The following CAPN12 variants were observed in gnomAD, a reference collection of about 807,000 sequenced individuals.
The protein encoded by CAPN12 is calpain-12.
In CAPN12, 107 loss-of-function variants were observed where a neutral mutation model predicts 95.0. The observed-to-expected ratio is 1.13, with a 90% CI of 0.96 to 1.32. The LOEUF (loss-of-function observed/expected upper bound fraction) is 1.32, where lower values mean the gene tolerates loss of function less well. Ranked by LOEUF, CAPN12 falls within the 40% of genes most tolerant of loss-of-function variation. CAPN12 has a pLI of 0.00. For synonymous variants in CAPN12, 505 were observed against 415.5 expected (o/e 1.22, Z -2.62); for missense variants, 1,136 against 997.8 (o/e 1.14, Z -1.87).
intron 3 of CAPN12, chr19:38,742,196 G>C (rs1396840167): frequency 1.6e-6 from 1 of 611,864 alleles, no homozygotes; most frequent in Non-Finnish European, 2.8e-6. Flanking sequence ...CATGATGGCG[G>C]GTGCCTGTAA....
chr19:38,743,320 A>G lies in CAPN12; in HGVS notation c.238-218T>C, dbSNP rs35134120. ...GCCCAGCCCCTCCTCCCTCAGACCC[A>G]GGAGTCCATGTCCCGAGCCCCTCCT... On this transcript the variant is annotated intron_variant, in intron 1 of 20. Coordinates refer to ENST00000328867, the MANE Select transcript of CAPN12 (RefSeq NM_144691.4). Among the ~76,000 whole-genome samples, 4,875 of 120,194 alleles carry G rather than the reference A, an allele frequency of 0.041. 124 individuals carry two copies. The highest frequency in any genetic ancestry group is 0.064 in the South Asian group (230 of 3,570). 78.9% of individuals were successfully genotyped at this position (120,194 alleles called of 152,430 possible). A position where few individuals can be genotyped will look rare whatever the true frequency, so the allele number is the denominator to read the frequency against.
In CAPN12 at chr19:38,738,423, G is replaced by A. The variant is rs766087335; in HGVS notation, c.885C>T (p.Ser295=). The change falls in exon 7 of 21, where the codon AGC becomes AGT. Residue 295 remains serine, a synonymous_variant. Coordinates refer to ENST00000328867, the MANE Select transcript of CAPN12 (RefSeq NM_144691.4). ...WGCVEWTGAW[S]DSCPRWDTLP... is the part of the protein sequence containing the mutation. ...CCACCCCAGACCCATCCCACCTGTC[G>A]CTCCAGGCCCCCGTCCACTCCACGC... 4.8e-5 allele frequency: 77 copies of A among 1,609,098 alleles called. No homozygotes were observed. Among genetic ancestry groups the A allele is most frequent in the Middle Eastern group, 3.7e-4 (2 of 5,396 alleles).
intron 8 of CAPN12, among the ~76,000 whole-genome samples, chr19:38,737,938 CCCT>C (rs1369801754): frequency 1.3e-5 from 2 of 152,106 alleles, no homozygotes; most frequent in Admixed American, 1.3e-4. Context: ...ACCCTTCAGC[CCCT>C]CAACATTGCC....
intron 4 of CAPN12, among the ~76,000 whole-genome samples, chr19:38,741,554 C>G (rs545991762): frequency 1.3e-5 from 2 of 148,156 alleles, no homozygotes; most frequent in South Asian, 4.2e-4. Flanking sequence ...GCCTGGGCGA[C>G]AGAGTGAGTG....
intron 10 of CAPN12, 78 bp from the exon 11 acceptor site, chr19:38,736,641 C>T: frequency 1.4e-6 from 2 of 1,474,470 alleles, no homozygotes; most frequent in Middle Eastern, 1.8e-4. Context: ...TGCCCCTTCT[C>T]ACCTCTGTGC....
Position 38,734,852 on chromosome 19 carries a change from A to G in CAPN12, c.1705T>C (p.Ser569Pro). ...ATGCTTAGTAAGGCCTGGAGCTGAG[A>G]GGCATTGAGTTCTTCCTCCTAGTCC... ...LAGEEEELNA[S>P]QLQALLSIAL... Residue 569 changes from serine to proline, a missense_variant, in exon 15 of 21, where the codon TCT (serine) becomes CCT (proline). Ser to Pro is a moderately conservative substitution (Grantham distance 74). Coordinates refer to ENST00000328867, the MANE Select transcript of CAPN12 (RefSeq NM_144691.4). The G allele has an allele frequency of 6.2e-7, 1 of 1,612,690 alleles. No individual in the cohort carries two copies. Among genetic ancestry groups the G allele is most frequent in the South Asian group, 1.1e-5 (1 of 91,070 alleles).
chr19:38,736,659 C>CTCCT, intron 10 of CAPN12, 96 bp from the exon 11 acceptor site: 5 of 1,400,538 alleles, frequency 3.6e-6, no homozygotes, highest in Non-Finnish European at 4.8e-6. Flanking sequence ...TGCTCTCTCC[C>CTCCT]TCCTTCTTCG....
At position 38,744,025 on chromosome 19, in the gene CAPN12, G is replaced by A. The variant is rs147674114; in HGVS notation, c.141C>T (p.Arg47=). The part of the protein sequence containing the change: ...AACLDSGILF[R]DPYFPAGPDA... Reference sequence around the variant, plus strand: ...CAGGGCCAGCAGGGAAGTAAGGGTCGCGGAACAGGATCCCCGAATCCAGGC... The same window carrying A: ...CAGGGCCAGCAGGGAAGTAAGGGTCACGGAACAGGATCCCCGAATCCAGGC... Residue 47 remains arginine, a synonymous_variant, in exon 1 of 21, where the codon CGC becomes CGT. Transcript: ENST00000328867. 147 of 1,614,214 alleles carry A rather than the reference G, an allele frequency of 9.1e-5. No individual in the cohort carries two copies. In the East Asian group the frequency reaches 1.2e-3, roughly 13 times the overall value.
chr19:38,736,949 T>G, intron 10 of CAPN12: 1 of 124,246 alleles, frequency 8.0e-6, no homozygotes. Flanking sequence ...CGCCCCCTCT[T>G]GGCCCTGCTC....
chr19:38,733,851 C>CA lies in CAPN12; in HGVS notation c.1879-71dup. 3 of 1,327,688 alleles carry CA rather than the reference C, an allele frequency of 2.3e-6. 1 individual carries two copies. Among genetic ancestry groups the CA allele is most frequent in the Non-Finnish European group, 3.2e-6 (3 of 927,906 alleles). 82.2% of individuals were successfully genotyped at this position (1,327,688 alleles called of 1,614,324 possible). A position where few individuals can be genotyped will look rare whatever the true frequency, so the allele number is the denominator to read the frequency against. On this transcript the variant is annotated intron_variant, in intron 17 of 20. Coordinates refer to ENST00000328867, the MANE Select transcript of CAPN12 (RefSeq NM_144691.4). The stretch of plus-strand genomic sequence containing the variant: ...AGGGCTGCCAATGGGGCCTCCCAGG[C>CA]AAGACAGCCTGGTGCCCATCCCAAC...
intron 1 of CAPN12, among the ~76,000 whole-genome samples, chr19:38,743,335 G>C (rs1424375242): frequency 1.7e-4 from 15 of 88,944 alleles, no homozygotes; most frequent in East Asian, 3.9e-4. Context: ...TCCATGTCCC[G>C]AGCCCCTCCT....
At position 38,738,638 on chromosome 19, in the gene CAPN12, C is replaced by A; in HGVS notation, c.740G>T (p.Gly247Val). The A allele has an allele frequency of 6.2e-7, 1 of 1,614,020 alleles. No individual in the cohort carries two copies. Among genetic ancestry groups the A allele is most frequent in the East Asian group, 2.2e-5 (1 of 44,874 alleles). ...CAGGCCCTCTTCTGTGCGGTACTCA[C>A]CCCGATCACTCTGGGCAGGGGATGG... ...LVGATALSDR[G>V]EYRTEEGLVK... Residue 247 changes from glycine (G) to valine (V), a missense_variant, in exon 6 of 21, where the codon GGT becomes GTT. Transcript: ENST00000328867.
In CAPN12 at chr19:38,734,358, G is replaced by A. The variant is rs778396415; in HGVS notation, c.1776C>T (p.Ile592=). The change falls in exon 16 of 21, where the codon ATC becomes ATT. Residue 592 remains isoleucine (I), a synonymous_variant. Transcript: ENST00000328867. The part of the protein sequence containing the change: ...ARAHTSTPRE[I]GLRTCEQLLQ... ...GCAGCTGCTCACAGGTCCTGAGCCC[G>A]ATCTCTCTGGGGGTGGAGGTATGGG... 134 of 1,607,328 alleles carry A rather than the reference G, an allele frequency of 8.3e-5. No homozygotes were observed. The highest frequency in any genetic ancestry group is 6.6e-4 in the Middle Eastern group (4 of 6,068).
rs373743240 is a variant in CAPN12, at chr19:38,736,133, G to T, written c.1560C>A (p.Phe520Leu). 2.0e-6 allele frequency: 3 copies of T among 1,510,390 alleles called. No individual in the cohort carries two copies. The highest frequency in any genetic ancestry group is 2.6e-6 in the Non-Finnish European group (3 of 1,132,610). The allele number at this position is 1,510,390 out of a possible 1,614,324, so 93.6% of individuals were successfully genotyped here. A position where few individuals can be genotyped will look rare whatever the true frequency, so the allele number is the denominator to read the frequency against. ...ACACGGCCGTGTGGCGGCGCTCGGAGAAGACACGCAGAGTGAAGTCAGCCT... is the reference window on the plus strand; with the variant it reads ...ACACGGCCGTGTGGCGGCGCTCGGATAAGACACGCAGAGTGAAGTCAGCCT... ...GDEADFTLRV[F>L]SERRHTAVEI... is the part of the protein sequence containing the mutation. Residue 520 changes from phenylalanine (F) to leucine (L), a missense_variant, in exon 12 of 21, where the codon TTC (phenylalanine) becomes TTA (leucine). Phe to Leu is a conservative substitution (Grantham distance 22). Coordinates refer to ENST00000328867, the MANE Select transcript of CAPN12 (RefSeq NM_144691.4).
At chr19:38,736,342 C>T (rs1172479815) in intron 11 of CAPN12, 24 bp from the exon 12 acceptor site, 17 of 1,454,404 alleles carry the variant, frequency 1.2e-5, no homozygotes, top group East Asian at 2.7e-5. Flanking sequence ...GGCATGACCA[C>T]GGACCAGGCT....
Position 38,730,712 on chromosome 19 carries a change from G to C in CAPN12, c.*140C>G, listed in dbSNP as rs747837065. ...AGTACGCAGGCCAGAGTGGTCACCCGGCCGTGAGCAGTGAGGGCCAGAGAC... is the reference window on the plus strand; with the variant it reads ...AGTACGCAGGCCAGAGTGGTCACCCCGCCGTGAGCAGTGAGGGCCAGAGAC... On this transcript the variant is annotated 3_prime_UTR_variant, in exon 21 of 21. Coordinates refer to ENST00000328867, the MANE Select transcript of CAPN12 (RefSeq NM_144691.4). 1 of 1,055,540 alleles carries C rather than the reference G, an allele frequency of 9.5e-7. No individual in the cohort carries two copies. The allele number at this position is 1,055,540 out of a possible 1,614,324, so 65.4% of individuals were successfully genotyped here.
Position 38,743,143 on chromosome 19 carries a change from C to T in CAPN12, c.238-41G>A, listed in dbSNP as rs73554729. ...GATTCCAGGCCTCAGCCTGAGAAAG[C>T]GAGGAAAGGTCTCATCCAGAGGAGT... is the stretch of plus-strand genomic sequence containing the variant. On this transcript the variant is annotated intron_variant, in intron 1 of 20. Transcript: ENST00000328867. 1.4e-3 allele frequency: 2,271 copies of T among 1,611,080 alleles called. 30 individuals carry two copies. In the African/African-American group the frequency reaches 0.027, roughly 19 times the overall value.
At chr19:38,739,898 C>A (rs1042985944) in intron 5 of CAPN12, 153 bp downstream of exon 5, 3 of 753,786 alleles carry the variant, frequency 4.0e-6, no homozygotes, top group Admixed American at 3.6e-5. Flanking sequence ...TTCATGAGAG[C>A]AAATGAATTT....
intron 1 of CAPN12, among the ~76,000 whole-genome samples, chr19:38,743,392 A>G (rs566992612): frequency 6.5e-5 from 5 of 76,674 alleles, no homozygotes; most frequent in Non-Finnish European, 1.4e-4. Context: ...CCTCAGACCC[A>G]GGAGTCCAGG....
Sources: gnomAD v4.1 joint callset for allele counts (sites outside exome capture counted in the v4.1 genomes callset) on GRCh38, gnomAD v4.1.1 for gene constraint, MANE v1.5 for transcripts, NCBI Gene and HGNC (gene_info 2026-07-23, HGNC 2026-07-21) for gene names.